The following TMCC1 variants were observed in gnomAD, a reference collection of about 807,000 sequenced individuals.
TMCC1 encodes transmembrane and coiled-coil domain family 1.
Under a neutral mutation model 52.4 loss-of-function variants are expected in TMCC1, and 15 were observed. The observed-to-expected ratio is 0.29, with a 90% CI of 0.19 to 0.44. The LOEUF (loss-of-function observed/expected upper bound fraction) is 0.44. Among genes scored for constraint, TMCC1 ranks in the 20% least tolerant of loss-of-function variants. The pLI is 1.00. For synonymous variants in TMCC1, 279 were observed against 301.9 expected (o/e 0.92, Z 0.79); for missense variants, 503 against 806.0 (o/e 0.62, Z 4.55).
chr3:129,886,797 G>A (rs371564051), intron 1 of TMCC1, among the ~76,000 whole-genome samples: 1 of 151,806 alleles, frequency 6.6e-6, no homozygotes, highest in Non-Finnish European at 1.5e-5. Flanking sequence ...AATTAGCCAG[G>A]TGTGGTGTGT....
intron 4 of TMCC1, among the ~76,000 whole-genome samples, chr3:129,705,743 C>T (rs764851145): frequency 1.3e-5 from 2 of 151,600 alleles, no homozygotes; most frequent in Non-Finnish European, 2.9e-5. Flanking sequence ...CAGGCGCCCG[C>T]CACCACGCCC....
At chr3:129,791,030 T>G (rs1194862691) in intron 4 of TMCC1, among the ~76,000 whole-genome samples, 8 of 151,792 alleles carry the variant, frequency 5.3e-5, no homozygotes, top group Admixed American at 5.2e-4. Context: ...TTTTCTATCG[T>G]AGATAAACAT....
intron 4 of TMCC1, among the ~76,000 whole-genome samples, chr3:129,762,037 A>AC (rs2053654211): frequency 7.0e-6 from 1 of 143,100 alleles, no homozygotes; most frequent in Non-Finnish European, 1.5e-5. Context: ...TAGATTTCTA[A>AC]CTTTTTTTTT....
chr3:129,734,026 C>T (rs1477552480), intron 4 of TMCC1, among the ~76,000 whole-genome samples: 2 of 152,140 alleles, frequency 1.3e-5, no homozygotes, highest in East Asian at 3.8e-4. Flanking sequence ...GATGAATATA[C>T]TGTATAACCC....
intron 5 of TMCC1, among the ~76,000 whole-genome samples, chr3:129,660,606 C>T (rs1319479105): frequency 6.6e-6 from 1 of 152,192 alleles, no homozygotes; most frequent in Non-Finnish European, 1.5e-5. Flanking sequence ...ATACAAGCCT[C>T]TTTTACTTCT....
intron 4 of TMCC1, among the ~76,000 whole-genome samples, chr3:129,756,292 T>C (rs1490247484): frequency 6.6e-6 from 1 of 152,190 alleles, no homozygotes; most frequent in African/African-American, 2.4e-5. Context: ...GCAATCAAGA[T>C]ATCCTTGAAT....
At chr3:129,725,875 G>C (rs186805870) in intron 4 of TMCC1, among the ~76,000 whole-genome samples, 10 of 152,296 alleles carry the variant, frequency 6.6e-5, no homozygotes. Flanking sequence ...TGGGAAAGCA[G>C]TAAACAGTCC....
intron 4 of TMCC1, among the ~76,000 whole-genome samples, chr3:129,695,659 C>T (rs995729311): frequency 2.6e-5 from 4 of 152,128 alleles, no homozygotes; most frequent in Non-Finnish European, 5.9e-5. Context: ...AATTACCTCC[C>T]ACCAGGTCCC....
At chr3:129,811,995 C>T (rs951238904) in intron 4 of TMCC1, among the ~76,000 whole-genome samples, 1 of 149,708 alleles carries the variant, frequency 6.7e-6, no homozygotes, top group African/African-American at 2.5e-5. Flanking sequence ...GTGATTCTTA[C>T]TATTCAATAC....
intron 4 of TMCC1, among the ~76,000 whole-genome samples, chr3:129,760,454 C>CTCTGTGTGTGTGTG (rs2053453789): frequency 3.1e-5 from 4 of 128,978 alleles, no homozygotes; most frequent in Non-Finnish European, 4.9e-5. Flanking sequence ...CAGTCTCGCT[C>CTCTGTGTGTGTGTG]TGTGTGTGTG....
At chr3:129,750,269 C>T (rs543413126) in intron 4 of TMCC1, among the ~76,000 whole-genome samples, 72 of 152,242 alleles carry the variant, frequency 4.7e-4, no homozygotes, top group African/African-American at 1.7e-3. Context: ...TGGTTCACTG[C>T]AACCTCTGCC....
intron 4 of TMCC1, among the ~76,000 whole-genome samples, chr3:129,750,082 CAGTAAT>C (rs1280837720): frequency 6.6e-6 from 1 of 152,182 alleles, no homozygotes; most frequent in Non-Finnish European, 1.5e-5. Context: ...GTTTCATTCA[CAGTAAT>C]AGTGTTTCTT....
chr3:129,766,806 A>T (rs777040741), intron 4 of TMCC1, among the ~76,000 whole-genome samples: 13 of 151,846 alleles, frequency 8.6e-5, no homozygotes, highest in Non-Finnish European at 1.3e-4. Context: ...TTTAGTGGAG[A>T]TAAGGTTTTG....
chr3:129,666,430 A>T (rs943494063), intron 5 of TMCC1, among the ~76,000 whole-genome samples: 1 of 152,156 alleles, frequency 6.6e-6, no homozygotes, highest in Non-Finnish European at 1.5e-5. Flanking sequence ...AAAATGTGAA[A>T]AGTTTCAGTG....
chr3:129,841,041 G>T lies in TMCC1; in HGVS notation c.-183-8215C>A, dbSNP rs142411255. ...GGAACTTCCTAGAGACTTGTTAGAA[G>T]ATTTTTACCAAAGTGCTGATTGTGA... On this transcript the variant is annotated intron_variant, in intron 2 of 6. Coordinates refer to ENST00000393238, the MANE Select transcript of TMCC1 (RefSeq NM_001017395.5). Among the ~76,000 whole-genome samples, 74 of 152,332 alleles carry T rather than the reference G, an allele frequency of 4.9e-4. No homozygotes were observed. The East Asian group carries it at 0.012, about 24-fold the overall frequency.
chr3:129,651,643 A>C lies in TMCC1; in HGVS notation c.1800T>G (p.Leu600=), dbSNP rs762560265. The C allele has an allele frequency of 2.5e-6, 4 of 1,614,192 alleles. No homozygotes were observed. The highest frequency in any genetic ancestry group is 3.4e-6 in the Non-Finnish European group (4 of 1,180,024). ...TGGCTACAGTGGAGACAAAGACCAA[A>C]AGGACTGCCATGACAGCCAGGAGGA... is the stretch of plus-strand genomic sequence containing the variant. ...INILLAVMAV[L]LVFVSTVANC... Residue 600 remains leucine, a synonymous_variant, in exon 7 of 7, where the codon CTT becomes CTG. Coordinates refer to ENST00000393238, the MANE Select transcript of TMCC1 (RefSeq NM_001017395.5). This position sits in a 1 kb window ranked among gnomAD's most constrained non-coding sequence, Gnocchi z 5.1.
chr3:129,891,890 T>C (rs2061980207), intron 1 of TMCC1, among the ~76,000 whole-genome samples: 1 of 152,230 alleles, frequency 6.6e-6, no homozygotes, highest in African/African-American at 2.4e-5. Context: ...AATATTCTAC[T>C]ATCAAGAAGG....
At chr3:129,657,585 C>G (rs2086746637) in intron 5 of TMCC1, among the ~76,000 whole-genome samples, 1 of 152,148 alleles carries the variant, frequency 6.6e-6, no homozygotes, top group African/African-American at 2.4e-5. Context: ...GATCAACTAA[C>G]TCTCCTCATA....
At chr3:129,682,006 G>T (rs939746392) in intron 4 of TMCC1, among the ~76,000 whole-genome samples, 4 of 151,882 alleles carry the variant, frequency 2.6e-5, no homozygotes, top group Admixed American at 6.6e-5. Flanking sequence ...TACTTTTAGA[G>T]GTTCCATGCA....
Sources: gnomAD v4.1 joint callset for allele counts (sites outside exome capture counted in the v4.1 genomes callset) on GRCh38, gnomAD v4.1.1 for gene constraint, Gnocchi (gnomAD v3.1) non-coding constraint, MANE v1.5 for transcripts, NCBI Gene and HGNC (gene_info 2026-07-23, HGNC 2026-07-21) for gene names.